The following ANKS1B variants were observed in gnomAD, a reference collection of about 807,000 sequenced individuals.
The protein encoded by ANKS1B is ankyrin repeat and sterile alpha motif domain-containing protein 1B.
Under a neutral mutation model 148.3 loss-of-function variants are expected in ANKS1B, and 36 were observed. The observed-to-expected ratio is 0.24, with a 90% CI of 0.19 to 0.32. The LOEUF is 0.32. Among genes scored for constraint, ANKS1B ranks in the 10% least tolerant of loss-of-function variants. The probability of loss-of-function intolerance (pLI) is 1.00; values close to 1 mark genes in which losing one functional copy is unlikely to be tolerated. For missense variants in ANKS1B, 1,157 were observed against 1,542.6 expected, an observed-to-expected ratio of 0.75 and a Z score of 4.19; for synonymous variants, 542 against 560.8, an observed-to-expected ratio of 0.97 and a Z score of 0.47.
chr12:98,908,541 T>C (rs926701029), intron 17 of ANKS1B, among the ~76,000 whole-genome samples: 1 of 152,214 alleles, frequency 6.6e-6, no homozygotes. Flanking sequence ...TTGGTAAGGA[T>C]ATTGTGAGAA....
At chr12:98,763,898 T>C (rs1387762364) in intron 25 of ANKS1B, among the ~76,000 whole-genome samples, 1 of 152,196 alleles carries the variant, frequency 6.6e-6, no homozygotes, top group Non-Finnish European at 1.5e-5. Context: ...TCACCCCAAG[T>C]ATAGGAGGTT....
At chr12:99,954,524 T>C (rs2095283143) in intron 1 of ANKS1B, among the ~76,000 whole-genome samples, 1 of 152,210 alleles carries the variant, frequency 6.6e-6, no homozygotes, top group Non-Finnish European at 1.5e-5. Context: ...CAATGACCAA[T>C]TGTTCACAAT....
chr12:98,840,415 A>G (rs1284737271), intron 17 of ANKS1B, among the ~76,000 whole-genome samples: 1 of 152,192 alleles, frequency 6.6e-6, no homozygotes, highest in Non-Finnish European at 1.5e-5. Flanking sequence ...CCGAAATACA[A>G]CTGTACTAAC....
chr12:99,157,642 A>T (rs2076212271), intron 14 of ANKS1B, among the ~76,000 whole-genome samples: 1 of 152,092 alleles, frequency 6.6e-6, no homozygotes, highest in African/African-American at 2.4e-5. Context: ...ACTAATAGAC[A>T]CTGGAGACTC....
intron 14 of ANKS1B, among the ~76,000 whole-genome samples, chr12:99,226,798 C>T (rs1006773089): frequency 2.0e-5 from 3 of 152,104 alleles, no homozygotes; most frequent in Non-Finnish European, 2.9e-5. Context: ...GACTTAGACA[C>T]GGTGAGACGT....
intron 9 of ANKS1B, among the ~76,000 whole-genome samples, chr12:99,620,698 C>G (rs914465713): frequency 6.6e-6 from 1 of 151,290 alleles, no homozygotes; most frequent in East Asian, 1.9e-4. Flanking sequence ...CCCAGTTAGA[C>G]AAAAACAAAG....
At chr12:98,973,657 C>T (rs60460550) in intron 17 of ANKS1B, among the ~76,000 whole-genome samples, 7,846 of 152,108 alleles carry the variant, frequency 0.052, 565 homozygotes, top group African/African-American at 0.16. Context: ...TCTTGGTTGT[C>T]AGATTGATTG....
At chr12:99,369,783 T>TGG (rs2092999401) in intron 12 of ANKS1B, among the ~76,000 whole-genome samples, 1 of 145,536 alleles carries the variant, frequency 6.9e-6, no homozygotes, top group African/African-American at 2.6e-5. Context: ...GATAGATAGA[T>TGG]AGATAGATGG....
chr12:99,747,740 C>T (rs1403104738), intron 8 of ANKS1B, among the ~76,000 whole-genome samples: 1 of 152,104 alleles, frequency 6.6e-6, no homozygotes, highest in African/African-American at 2.4e-5. Flanking sequence ...GCCTAGAATG[C>T]TCTCCTTTCT....
chr12:99,625,862 A>G (rs574327802), intron 9 of ANKS1B, among the ~76,000 whole-genome samples: 1 of 152,218 alleles, frequency 6.6e-6, no homozygotes, highest in African/African-American at 2.4e-5. Flanking sequence ...AAGGGTAATG[A>G]TAGTAGAGAA....
intron 17 of ANKS1B, among the ~76,000 whole-genome samples, chr12:98,979,873 G>T (rs1313714635): frequency 6.6e-6 from 1 of 151,914 alleles, no homozygotes; most frequent in Non-Finnish European, 1.5e-5. Flanking sequence ...TTTTTAATGT[G>T]TCCTTTTTTC....
chr12:99,087,670 C>A (rs1396695316), intron 15 of ANKS1B, among the ~76,000 whole-genome samples: 2 of 152,150 alleles, frequency 1.3e-5, no homozygotes, highest in African/African-American at 4.8e-5. Context: ...AAGAAAAAAT[C>A]TTTCGTCATC....
chr12:99,079,065 C>T (rs2048797016), intron 16 of ANKS1B, among the ~76,000 whole-genome samples: 1 of 152,236 alleles, frequency 6.6e-6, no homozygotes, highest in South Asian at 2.1e-4. Context: ...TCCCTAAGAG[C>T]CTGAATCCTG....
chr12:99,143,103 C>A (rs563280774), intron 15 of ANKS1B, among the ~76,000 whole-genome samples: 6 of 152,122 alleles, frequency 3.9e-5, no homozygotes, highest in Non-Finnish European at 7.4e-5. Flanking sequence ...AAGCCTAATT[C>A]TCTTTGCCAG....
intron 14 of ANKS1B, among the ~76,000 whole-genome samples, chr12:99,159,804 A>T (rs1266739446): frequency 6.6e-6 from 1 of 152,174 alleles, no homozygotes; most frequent in Admixed American, 6.5e-5. Context: ...GAAATCTCCA[A>T]ACTGCTTTCC....
intron 14 of ANKS1B, among the ~76,000 whole-genome samples, chr12:99,212,752 G>T (rs1056965783): frequency 1.3e-5 from 2 of 152,150 alleles, no homozygotes; most frequent in African/African-American, 4.8e-5. Flanking sequence ...TTCAACACTT[G>T]CAGGCCTAGA....
At chr12:99,202,057 A>G (rs895793868) in intron 14 of ANKS1B, among the ~76,000 whole-genome samples, 3 of 152,236 alleles carry the variant, frequency 2.0e-5, no homozygotes, top group African/African-American at 7.2e-5. Context: ...ACAGTCTAGA[A>G]GAACTCAACA....
At chr12:99,134,071 A>G (rs762810071) in intron 15 of ANKS1B, among the ~76,000 whole-genome samples, 3 of 152,308 alleles carry the variant, frequency 2.0e-5, no homozygotes, top group South Asian at 2.1e-4. Context: ...CCTCTAGGGA[A>G]GAAATATCTG....
chr12:98,881,598 A>C (rs182961651), intron 17 of ANKS1B, among the ~76,000 whole-genome samples: 1 of 152,218 alleles, frequency 6.6e-6, no homozygotes, highest in East Asian at 1.9e-4. Flanking sequence ...TTCTTATGCT[A>C]TTGTCCTATA....
Sources: gnomAD v4.1 joint callset for allele counts (sites outside exome capture counted in the v4.1 genomes callset) on GRCh38, gnomAD v4.1.1 for gene constraint, MANE v1.5 for transcripts, NCBI Gene and HGNC (gene_info 2026-07-23, HGNC 2026-07-21) for gene names.